OLFM3: variants seen among roughly 807,000 people sequenced by gnomAD.
OLFM3 encodes the protein olfactomedin 3.
In OLFM3, 20 loss-of-function variants were observed where a neutral mutation model predicts 48.6. The observed-to-expected ratio is 0.41, with a 90% CI of 0.29 to 0.60. The LOEUF (loss-of-function observed/expected upper bound fraction) is 0.60, where lower values mean the gene tolerates loss of function less well. Ranked by LOEUF, OLFM3 falls within the 20% of genes least tolerant of loss-of-function variation. The pLI is 0.28. For synonymous variants in OLFM3, 222 were observed against 198.1 expected (o/e 1.12, Z -1.01); for missense variants, 437 against 544.3 (o/e 0.80, Z 1.96).
intron 1 of OLFM3, among the ~76,000 whole-genome samples, chr1:101,980,145 T>C (rs1478592930): frequency 6.6e-6 from 1 of 152,210 alleles, no homozygotes; most frequent in African/African-American, 2.4e-5. Context: ...TTTTGATTTT[T>C]ATTCTCATAG....
At chr1:101,891,583 T>C (rs1332741699) in intron 1 of OLFM3, among the ~76,000 whole-genome samples, 1 of 151,874 alleles carries the variant, frequency 6.6e-6, no homozygotes, top group Non-Finnish European at 1.5e-5. Context: ...TTTTTTCCCT[T>C]AGGTTCAAAA....
rs1301686487 is a variant in OLFM3, at chr1:101,841,659, G to A, written c.70-4634C>T. 3.3e-5 allele frequency among the ~76,000 whole-genome samples: 5 copies of A among 152,162 alleles called. No individual in the cohort carries two copies. In the East Asian group the frequency reaches 5.8e-4, roughly 18 times the overall value. ...AGTCAGATATTCCTGTGGAAGGCACGGCAATCATTTATCAGGGTCTAGATG... is the reference window on the plus strand; with the variant it reads ...AGTCAGATATTCCTGTGGAAGGCACAGCAATCATTTATCAGGGTCTAGATG... On this transcript the variant is annotated intron_variant, in intron 1 of 5. Transcript: ENST00000370103.
chr1:101,974,679 A>G (rs1660899030), intron 1 of OLFM3, among the ~76,000 whole-genome samples: 2 of 152,154 alleles, frequency 1.3e-5, no homozygotes, highest in African/African-American at 2.4e-5. Context: ...CTAATGCTAC[A>G]TAACCCTACA....
At chr1:101,889,961 C>T (rs899281971) in intron 1 of OLFM3, among the ~76,000 whole-genome samples, 4 of 151,764 alleles carry the variant, frequency 2.6e-5, no homozygotes, top group African/African-American at 9.7e-5. Context: ...TATTGTAATC[C>T]ATATTATATA....
Position 101,830,735 on chromosome 1 carries a change from C to T in OLFM3, c.309G>A (p.Gly103=). The change falls in exon 3 of 6, where the codon GGG becomes GGA. Residue 103 remains glycine (G), a synonymous_variant. Coordinates refer to ENST00000370103, the MANE Select transcript of OLFM3 (RefSeq NM_058170.4). ...CAATCTGCCGAAATTTTGCCTTCAG[C>T]CCTTTCATTTGGGTTTCCATTTTTA... ...YVLKMETQMK[G]LKAKFRQIED... is the part of the protein sequence containing the mutation. 6.2e-7 allele frequency: 1 copy of T among 1,614,118 alleles called. No homozygotes were observed. Among genetic ancestry groups the T allele is most frequent in the Non-Finnish European group, 8.5e-7 (1 of 1,179,998 alleles).
chr1:101,923,681 A>G (rs1428393050), intron 1 of OLFM3, among the ~76,000 whole-genome samples: 1 of 152,138 alleles, frequency 6.6e-6, no homozygotes, highest in Admixed American at 6.6e-5. Flanking sequence ...AGTCTCTAAA[A>G]CTTCTTTACT....
At chr1:101,845,147 CTTA>C (rs1433759699) in intron 1 of OLFM3, among the ~76,000 whole-genome samples, 4 of 151,888 alleles carry the variant, frequency 2.6e-5, no homozygotes, top group South Asian at 2.1e-4. Context: ...TGTTCTTCTT[CTTA>C]TTATTATTTT....
chr1:101,858,428 G>C (rs1656515616), intron 1 of OLFM3, among the ~76,000 whole-genome samples: 1 of 151,946 alleles, frequency 6.6e-6, no homozygotes, highest in Non-Finnish European at 1.5e-5. Flanking sequence ...ATTCTAGTGG[G>C]ATACTGACAG....
At chr1:101,856,094 A>C (rs907978362) in intron 1 of OLFM3, among the ~76,000 whole-genome samples, 1 of 152,020 alleles carries the variant, frequency 6.6e-6, no homozygotes. Context: ...TCTGCAGAGT[A>C]GGGTTTTATG....
chr1:101,814,913 A>G (rs1488334257), intron 4 of OLFM3, among the ~76,000 whole-genome samples: 1 of 152,234 alleles, frequency 6.6e-6, no homozygotes, highest in Non-Finnish European at 1.5e-5. Context: ...TGATGAATTA[A>G]GAGGAGCAAA....
At chr1:101,909,217 C>T (rs1259709483) in intron 1 of OLFM3, among the ~76,000 whole-genome samples, 2 of 152,152 alleles carry the variant, frequency 1.3e-5, no homozygotes. Flanking sequence ...GGCTAACACA[C>T]ACAGAGGCCA....
chr1:101,949,555 C>T (rs1165901931), intron 1 of OLFM3, among the ~76,000 whole-genome samples: 2 of 152,110 alleles, frequency 1.3e-5, no homozygotes, highest in African/African-American at 4.8e-5. Context: ...ACCCCTACAT[C>T]TCTATCTTCC....
intron 1 of OLFM3, among the ~76,000 whole-genome samples, chr1:101,857,599 C>G (rs1275954723): frequency 2.0e-5 from 3 of 151,764 alleles, no homozygotes; most frequent in Admixed American, 1.3e-4. Flanking sequence ...CCTTTCCCCC[C>G]TCTCCTTTCC....
rs922806868 is a variant in OLFM3 at position 101,805,018 on chromosome 1, C to T, written c.700-103G>A. The T allele has an allele frequency of 3.7e-5, 33 of 894,260 alleles. No homozygotes were observed. The African/African-American group carries it at 5.6e-4, about 15-fold the overall frequency. 55.4% of individuals were successfully genotyped at this position (894,260 alleles called of 1,614,324 possible). On this transcript the variant is annotated intron_variant, in intron 5 of 5. Transcript: ENST00000370103. ...GTCAACACTTATTATAATTCTCAGG[C>T]TCTGGAAGCCACACTATCTTACTGC...
At position 101,924,006 on chromosome 1, in the gene OLFM3, T is replaced by G. The variant is rs554225726; in HGVS notation, c.69+72742A>C. On this transcript the variant is annotated intron_variant, in intron 1 of 5. Coordinates refer to ENST00000370103, the MANE Select transcript of OLFM3 (RefSeq NM_058170.4). Reference sequence around the variant, plus strand: ...CCACATTTGAGGCCTGAATATTGCTTTAAGTGCAGTAAACCATTGTTGAGA... The same window carrying G: ...CCACATTTGAGGCCTGAATATTGCTGTAAGTGCAGTAAACCATTGTTGAGA... 2.6e-5 allele frequency among the ~76,000 whole-genome samples: 4 copies of G among 152,284 alleles called. No individual in the cohort carries two copies. The South Asian group carries it at 8.3e-4, about 32-fold the overall frequency.
chr1:101,876,753 T>C (rs1382584562), intron 1 of OLFM3, among the ~76,000 whole-genome samples: 1 of 152,012 alleles, frequency 6.6e-6, no homozygotes, highest in African/African-American at 2.4e-5. Flanking sequence ...ACCTGAATTC[T>C]ATATGTTAAA....
At chr1:101,835,348 TC>T (rs1185594354) in intron 2 of OLFM3, among the ~76,000 whole-genome samples, 21 of 152,240 alleles carry the variant, frequency 1.4e-4, no homozygotes, top group African/African-American at 3.1e-4. Flanking sequence ...TAATTCTTGC[TC>T]TGTCACCCAG....
At chr1:101,876,400 G>A (rs958620274) in intron 1 of OLFM3, among the ~76,000 whole-genome samples, 5 of 151,932 alleles carry the variant, frequency 3.3e-5, no homozygotes, top group Non-Finnish European at 7.4e-5. Flanking sequence ...TGGCTATTGG[G>A]CCACTACATA....
chr1:101,899,652 T>C (rs1426117614), intron 1 of OLFM3, among the ~76,000 whole-genome samples: 2 of 152,132 alleles, frequency 1.3e-5, no homozygotes, highest in East Asian at 3.8e-4. Context: ...ATTCAATCTA[T>C]AGGAATTTCC....
Sources: gnomAD v4.1 joint callset for allele counts (sites outside exome capture counted in the v4.1 genomes callset) on GRCh38, gnomAD v4.1.1 for gene constraint, MANE v1.5 for transcripts, NCBI Gene and HGNC (gene_info 2026-07-23, HGNC 2026-07-21) for gene names.